Variants in SIPA1L3 observed in about 807,000 individuals in gnomAD.
SIPA1L3 encodes the protein signal induced proliferation associated 1 like 3, also known as signal-induced proliferation-associated 1-like protein 3.
In SIPA1L3, 59 loss-of-function variants were observed where a neutral mutation model predicts 150.1. The observed-to-expected ratio is 0.39, with a 90% CI of 0.32 to 0.49. The LOEUF (loss-of-function observed/expected upper bound fraction) is 0.49, where lower values mean the gene tolerates loss of function less well. Ranked by LOEUF, SIPA1L3 falls within the 20% of genes least tolerant of loss-of-function variation. SIPA1L3 has a pLI of 0.86. For missense variants in SIPA1L3, 2,211 were observed against 2,489.5 expected (o/e 0.89, Z 2.38); for synonymous variants, 1,070 against 1,077.6 (o/e 0.99, Z 0.14).
chr19:38,121,185 A>G (rs55638320), intron 9 of SIPA1L3, among the ~76,000 whole-genome samples: 2,443 of 152,224 alleles, frequency 0.016, 68 homozygotes, highest in African/African-American at 0.056. Flanking sequence ...CTAAAAAAAA[A>G]ATAAAAAAAT....
At chr19:38,043,099 G>C (rs775094952) in intron 2 of SIPA1L3, among the ~76,000 whole-genome samples, 1 of 152,198 alleles carries the variant, frequency 6.6e-6, no homozygotes, top group Non-Finnish European at 1.5e-5. Context: ...CAGCAGTTTG[G>C]GGGGCCGAGG....
intron 15 of SIPA1L3, among the ~76,000 whole-genome samples, 198 bp from the exon 16 acceptor site, chr19:38,182,321 T>TTAGGCGC (rs1972573050): frequency 6.6e-6 from 1 of 152,032 alleles, no homozygotes; most frequent in African/African-American, 2.4e-5. Flanking sequence ...TTGGGTGGGA[T>TTAGGCGC]TAGGCGCTGT....
chr19:38,048,293 A>G (rs1295941846), intron 2 of SIPA1L3, among the ~76,000 whole-genome samples: 1 of 152,116 alleles, frequency 6.6e-6, no homozygotes, highest in Non-Finnish European at 1.5e-5. Context: ...CACCAGGTGG[A>G]TAGGATCAGC....
intron 1 of SIPA1L3, among the ~76,000 whole-genome samples, chr19:37,950,993 C>T (rs1219798955): frequency 5.9e-5 from 9 of 152,226 alleles, no homozygotes; most frequent in Non-Finnish European, 1.2e-4. Context: ...CTGGTTTGGC[C>T]GCCCTACAAC....
rs576991118 is a variant in SIPA1L3, at chr19:38,205,157, T to A, written c.5203-940T>A. On this transcript the variant is annotated intron_variant, in intron 21 of 21. Coordinates refer to ENST00000222345, the MANE Select transcript of SIPA1L3 (RefSeq NM_015073.3). Reference sequence around the variant, plus strand: ...AGTCAATTTGTTCTTTGGACTTGTCTCCATGGGGCGGAAGGATGAGGAGGA... The same window carrying A: ...AGTCAATTTGTTCTTTGGACTTGTCACCATGGGGCGGAAGGATGAGGAGGA... 1.2e-3 allele frequency among the ~76,000 whole-genome samples: 183 copies of A among 152,206 alleles called. 1 individual carries two copies. Among genetic ancestry groups the A allele is most frequent in the Non-Finnish European group, 1.9e-3 (131 of 68,022 alleles).
intron 2 of SIPA1L3, among the ~76,000 whole-genome samples, chr19:38,035,992 A>T (rs1968773647): frequency 6.6e-6 from 1 of 152,208 alleles, no homozygotes. Flanking sequence ...GAGTTCATAC[A>T]GCGAAAGCCT....
intron 13 of SIPA1L3, among the ~76,000 whole-genome samples, chr19:38,157,418 G>A (rs1239128377): frequency 6.6e-6 from 1 of 152,176 alleles, no homozygotes; most frequent in East Asian, 1.9e-4. Flanking sequence ...CTTGTCCCAG[G>A]TCACTGCTGG....
chr19:38,197,012 C>T (rs1972970686), intron 18 of SIPA1L3, among the ~76,000 whole-genome samples: 1 of 152,162 alleles, frequency 6.6e-6, no homozygotes, highest in Admixed American at 6.5e-5. Flanking sequence ...GTAGTGTATA[C>T]CTCATATGTA....
At chr19:37,907,471 G>A (rs1334565376) in intron 1 of SIPA1L3, 113 bp downstream of exon 1, 2 of 152,290 alleles carry the variant, frequency 1.3e-5, no homozygotes, top group Non-Finnish European at 2.9e-5. Context: ...TACTGGCCGT[G>A]GGGGGCGGCG....
chr19:37,958,459 A>G (rs947474054), intron 1 of SIPA1L3, among the ~76,000 whole-genome samples: 5 of 152,200 alleles, frequency 3.3e-5, no homozygotes, highest in African/African-American at 1.2e-4. Context: ...ATGTTTATCT[A>G]CATGTGAAAG....
At chr19:38,124,885 G>A (rs988598906) in intron 9 of SIPA1L3, among the ~76,000 whole-genome samples, 59 of 152,238 alleles carry the variant, frequency 3.9e-4, no homozygotes, top group Middle Eastern at 6.8e-3. Context: ...GCCTGCAATC[G>A]CAGGCACTCC....
intron 1 of SIPA1L3, among the ~76,000 whole-genome samples, chr19:38,024,505 G>A (rs1374531947): frequency 6.6e-6 from 1 of 151,860 alleles, no homozygotes; most frequent in African/African-American, 2.4e-5. Flanking sequence ...GGAGTTCAAG[G>A]TGAAACCTCC....
chr19:37,939,499 G>T (rs889018493), intron 1 of SIPA1L3, among the ~76,000 whole-genome samples: 3 of 151,650 alleles, frequency 2.0e-5, no homozygotes, highest in Admixed American at 6.6e-5. Context: ...TCTCTCTCAC[G>T]TAAAGGAGCC....
At chr19:38,106,434 G>A (rs561907155) in intron 6 of SIPA1L3, 103 bp from the exon 7 acceptor site, 1 of 801,158 alleles carries the variant, frequency 1.2e-6, no homozygotes, top group Non-Finnish European at 2.3e-6. Flanking sequence ...AGAGTAGATT[G>A]AAGTGAAAGC....
intron 4 of SIPA1L3, among the ~76,000 whole-genome samples, chr19:38,092,563 ACT>A (rs1334064663): frequency 1.3e-5 from 2 of 151,896 alleles, no homozygotes; most frequent in Non-Finnish European, 2.9e-5. Context: ...GCCGTGGGGG[ACT>A]CTGATCCATC....
In SIPA1L3 at chr19:38,013,690, A is replaced by G. The variant is rs556825454; in HGVS notation, c.-378-15399A>G. 6.6e-5 allele frequency among the ~76,000 whole-genome samples: 10 copies of G among 152,348 alleles called. No homozygotes were observed. The East Asian group carries it at 1.9e-3, about 29-fold the overall frequency. ...GCACTGCAACTCCTGAGAATCTACC[A>G]TGCAGAAGAAAAAAACAAATAGCCT... is the stretch of plus-strand genomic sequence containing the variant. On this transcript the variant is annotated intron_variant, in intron 1 of 21. Transcript: ENST00000222345.
At chr19:38,181,455 G>A (rs1972552241) in intron 15 of SIPA1L3, among the ~76,000 whole-genome samples, 1 of 151,950 alleles carries the variant, frequency 6.6e-6, no homozygotes, top group Non-Finnish European at 1.5e-5. Flanking sequence ...AACATAGCGA[G>A]ACCTTGTCTC....
chr19:38,065,834 CTATTTATT>C (rs74176412), intron 2 of SIPA1L3, among the ~76,000 whole-genome samples: 14,344 of 141,028 alleles, frequency 0.1, 966 homozygotes, highest in East Asian at 0.24. Flanking sequence ...CTCTACCTTG[CTATTTATT>C]TATTTATTTA....
chr19:38,134,953 CGAT>C (rs1187334799), intron 10 of SIPA1L3, among the ~76,000 whole-genome samples: 3 of 152,060 alleles, frequency 2.0e-5, no homozygotes, highest in African/African-American at 4.8e-5. Context: ...GATGGGGTGA[CGAT>C]GAGTGCCATA....
Sources: gnomAD v4.1 joint callset for allele counts (sites outside exome capture counted in the v4.1 genomes callset) on GRCh38, gnomAD v4.1.1 for gene constraint, MANE v1.5 for transcripts, NCBI Gene and HGNC (gene_info 2026-07-23, HGNC 2026-07-21) for gene names.